Variants in MTSS1 observed in about 807,000 individuals in gnomAD.
MTSS1 encodes the protein protein MTSS 1.
Under a neutral mutation model 79.0 loss-of-function variants are expected in MTSS1, and 18 were observed. The ratio of observed to expected loss-of-function variants is 0.23; its 90% CI spans 0.16 to 0.34. MTSS1 has a LOEUF of 0.34. MTSS1 is among the 10% of genes least tolerant of loss of function. The probability of loss-of-function intolerance (pLI) is 1.00; values close to 1 mark genes in which losing one functional copy is unlikely to be tolerated. For synonymous variants in MTSS1, 341 were observed against 368.6 expected (o/e 0.93, Z 0.86); for missense variants, 815 against 986.2 (o/e 0.83, Z 2.33).
At position 124,631,906 on chromosome 8, in the gene MTSS1, C is replaced by T. The variant is rs573330611; in HGVS notation, c.209-40671G>A. Among the ~76,000 whole-genome samples the T allele has an allele frequency of 3.3e-5, 5 of 152,288 alleles. No individual in the cohort carries two copies. The East Asian group carries it at 7.7e-4, about 24-fold the overall frequency. On this transcript the variant is annotated intron_variant, in intron 3 of 13. Transcript: ENST00000518547. ...CACTGCAGCTACTGGAATAACAGAT[C>T]TGAGCTTTGGGCCTGCTGCTGATGA...
chr8:124,601,529 G>A (rs533033943), intron 3 of MTSS1, among the ~76,000 whole-genome samples: 1 of 152,360 alleles, frequency 6.6e-6, no homozygotes, highest in South Asian at 2.1e-4. Context: ...ATGGCAGGTT[G>A]TAATATTTTA....
At chr8:124,611,528 T>C (rs1315565246) in intron 3 of MTSS1, among the ~76,000 whole-genome samples, 2 of 151,844 alleles carry the variant, frequency 1.3e-5, no homozygotes, top group African/African-American at 4.8e-5. Context: ...TTCCATTCTG[T>C]CCATGCAGAA....
chr8:124,636,932 T>C (rs1267484925), intron 3 of MTSS1, among the ~76,000 whole-genome samples: 2 of 152,216 alleles, frequency 1.3e-5, no homozygotes, highest in African/African-American at 2.4e-5. Flanking sequence ...GTCTTACTTA[T>C]TAAATTCAGA....
At chr8:124,637,810 T>C (rs1157113349) in intron 3 of MTSS1, among the ~76,000 whole-genome samples, 2 of 152,278 alleles carry the variant, frequency 1.3e-5, no homozygotes, top group Non-Finnish European at 2.9e-5. Context: ...TTTGGATGTA[T>C]ACACTTGCTC....
chr8:124,658,855 G>C (rs1264359663), intron 3 of MTSS1, among the ~76,000 whole-genome samples: 1 of 152,192 alleles, frequency 6.6e-6, no homozygotes, highest in Non-Finnish European at 1.5e-5. Context: ...CAGGGACACA[G>C]ATCCAGATCA....
intron 3 of MTSS1, among the ~76,000 whole-genome samples, chr8:124,592,804 G>T (rs1460271076): frequency 6.6e-6 from 1 of 152,154 alleles, no homozygotes; most frequent in Non-Finnish European, 1.5e-5. Flanking sequence ...GGGCTGGACT[G>T]GGCTGTGCAG....
At chr8:124,709,674 A>G (rs78498539) in intron 1 of MTSS1, among the ~76,000 whole-genome samples, 349 of 152,308 alleles carry the variant, frequency 2.3e-3, no homozygotes, top group African/African-American at 8.1e-3. Context: ...AGAAACGGGA[A>G]GAGAAAGCCA....
Position 124,553,269 on chromosome 8 carries a change from A to C in MTSS1, c.1991T>G (p.Met664Arg). Residue 664 changes from methionine (M) to arginine (R), a missense_variant, in exon 14 of 14, where the codon ATG becomes AGG. By Grantham distance (91) the Met-to-Arg change is moderately conservative (BLOSUM62 -1). Transcript: ENST00000518547. This position sits in a 1 kb window ranked among gnomAD's most constrained non-coding sequence, Gnocchi z 6.0. ...GTTAACGGAAGCTTGGCCGCTCCAC[A>C]TTGAGGAGGGCATGCTGGTGACACC... ...PQGVTSMPSS[M>R]WSGQASVNPP... 1 of 1,614,158 alleles carries C rather than the reference A, an allele frequency of 6.2e-7. No homozygotes were observed. The highest frequency in any genetic ancestry group is 8.5e-7 in the Non-Finnish European group (1 of 1,180,032).
chr8:124,578,115 G>T (rs143511350), intron 6 of MTSS1, among the ~76,000 whole-genome samples: 1 of 152,108 alleles, frequency 6.6e-6, no homozygotes, highest in Non-Finnish European at 1.5e-5. Flanking sequence ...GATCAGAATC[G>T]AGGCCCAGTG....
chr8:124,660,896 G>A (rs1215059353), intron 3 of MTSS1, among the ~76,000 whole-genome samples: 1 of 152,120 alleles, frequency 6.6e-6, no homozygotes, highest in Admixed American at 6.5e-5. Context: ...AGGGACTTGT[G>A]CCCCAAGGTC....
rs555699431 is a variant in MTSS1 at position 124,675,293 on chromosome 8, T to C, written c.208+24233A>G. ...AAAACCCAAGAGCCAGTCCTACAAC[T>C]GTCACTTCCCAATGACTTGGCCTTG... On this transcript the variant is annotated intron_variant, in intron 3 of 13. Coordinates refer to ENST00000518547, the MANE Select transcript of MTSS1 (RefSeq NM_014751.6). Among the ~76,000 whole-genome samples the C allele has an allele frequency of 5.3e-5, 8 of 152,360 alleles. No homozygotes were observed. The South Asian group carries it at 1.7e-3, about 32-fold the overall frequency.
chr8:124,601,062 A>ATTTTT lies in MTSS1; in HGVS notation c.209-9832_209-9828dup, dbSNP rs35966615. Among the ~76,000 whole-genome samples, 217 of 88,630 alleles carry ATTTTT rather than the reference A, an allele frequency of 2.4e-3. 4 individuals carry two copies. The highest frequency in any genetic ancestry group is 7.5e-3 in the African/African-American group (189 of 25,168). The allele number at this position is 88,630 out of a possible 152,430, so 58.1% of individuals were successfully genotyped here. On this transcript the variant is annotated intron_variant, in intron 3 of 13. Coordinates refer to ENST00000518547, the MANE Select transcript of MTSS1 (RefSeq NM_014751.6). The stretch of plus-strand genomic sequence containing the variant: ...TGACCCTAGGTTTCCCTTGACTGTA[A>ATTTTT]TTTTTTTTTTTTTTTTTTTTTTGAG...
chr8:124,703,744 GTT>G (rs1830026204), intron 2 of MTSS1, among the ~76,000 whole-genome samples: 1 of 152,164 alleles, frequency 6.6e-6, no homozygotes, highest in Non-Finnish European at 1.5e-5. Context: ...CTGTGCCTCA[GTT>G]TCCTCATCAG....
At chr8:124,695,746 T>G (rs1043498202) in intron 3 of MTSS1, among the ~76,000 whole-genome samples, 1 of 152,166 alleles carries the variant, frequency 6.6e-6, no homozygotes, top group African/African-American at 2.4e-5. Flanking sequence ...GAAAGATAAC[T>G]ATAATATACT....
At chr8:124,621,535 A>G (rs890269319) in intron 3 of MTSS1, among the ~76,000 whole-genome samples, 1 of 151,928 alleles carries the variant, frequency 6.6e-6, no homozygotes, top group African/African-American at 2.4e-5. Flanking sequence ...AAGGGTTCCT[A>G]TCACTTTCTG....
intron 3 of MTSS1, among the ~76,000 whole-genome samples, chr8:124,657,858 G>A (rs1821255125): frequency 6.6e-6 from 1 of 152,196 alleles, no homozygotes; most frequent in Admixed American, 6.5e-5. Context: ...TGTGGACTAA[G>A]TGTTTGTGTC....
chr8:124,568,960 G>C (rs910833025), intron 6 of MTSS1: 38 of 791,768 alleles, frequency 4.8e-5, no homozygotes, highest in Non-Finnish European at 6.3e-5. Context: ...GGCTGGCTTT[G>C]TTGGGTCAAT....
chr8:124,557,676 C>T lies in MTSS1; in HGVS notation c.1230+5G>A, dbSNP rs752752925. The stretch of plus-strand genomic sequence containing the variant: ...GGGGAGAGGAGGAGGGGGAGAGACA[C>T]AAACCTTCCAGCTAGGGATCTGAGA... On this transcript the variant is annotated splice_donor_5th_base_variant and intron_variant, in intron 11 of 13. Transcript: ENST00000518547. The T allele has an allele frequency of 8.9e-6, 14 of 1,568,102 alleles. No individual in the cohort carries two copies. The East Asian group carries it at 3.3e-4, about 37-fold the overall frequency.
chr8:124,591,250 G>C lies in MTSS1; in HGVS notation c.209-15C>G, dbSNP rs1174018994. 1.2e-6 allele frequency: 2 copies of C among 1,610,690 alleles called. No individual in the cohort carries two copies. The highest frequency in any genetic ancestry group is 2.7e-5 in the African/African-American group (2 of 74,994). On this transcript the variant is annotated splice_polypyrimidine_tract_variant and intron_variant, in intron 3 of 13. Transcript: ENST00000518547. ...CCTGGTCCCACCTGAAAAAGCAACA[G>C]AGGCAAAGGTGAGGGATAGAAGACT...
Sources: gnomAD v4.1 joint callset for allele counts (sites outside exome capture counted in the v4.1 genomes callset) on GRCh38, gnomAD v4.1.1 for gene constraint, Gnocchi (gnomAD v3.1) non-coding constraint, MANE v1.5 for transcripts, NCBI Gene and HGNC (gene_info 2026-07-23, HGNC 2026-07-21) for gene names.